NAALADL2: variants seen among roughly 807,000 people sequenced by gnomAD.
NAALADL2 encodes N-acetylated alpha-linked acidic dipeptidase like 2, also known as inactive N-acetylated-alpha-linked acidic dipeptidase-like protein 2.
NAALADL2 carries 76 observed loss-of-function variants against 87.2 expected under a neutral mutation model. The observed-to-expected ratio is 0.87, with a 90% confidence interval of 0.72 to 1.05. The LOEUF is 1.05. NAALADL2 is among the 50% of genes least tolerant of loss of function. The pLI, the probability that NAALADL2 is intolerant of heterozygous loss-of-function variation, is 0.00. For missense variants in NAALADL2, 1,089 were observed against 945.8 expected, an observed-to-expected ratio of 1.15 and a Z score of -1.99; for synonymous variants, 354 against 331.0, an observed-to-expected ratio of 1.07 and a Z score of -0.75.
intron 5 of NAALADL2, among the ~76,000 whole-genome samples, chr3:175,339,113 A>G (rs1386701103): frequency 6.6e-6 from 1 of 152,234 alleles, no homozygotes; most frequent in African/African-American, 2.4e-5. Flanking sequence ...ACGCAGTTCA[A>G]AGCCATTCTT....
chr3:175,656,721 A>G (rs923560263), intron 11 of NAALADL2, among the ~76,000 whole-genome samples: 9 of 148,456 alleles, frequency 6.1e-5, no homozygotes, highest in African/African-American at 2.3e-4. Context: ...GTGTGTGTGT[A>G]TGTGTGTGTG....
intron 11 of NAALADL2, among the ~76,000 whole-genome samples, chr3:175,690,359 G>A (rs1318476981): frequency 1.3e-5 from 2 of 151,892 alleles, no homozygotes; most frequent in African/African-American, 4.8e-5. Context: ...ATCGTAAGAG[G>A]GTCAGAAGAT....
chr3:175,275,119 T>G (rs1753387790), intron 4 of NAALADL2, among the ~76,000 whole-genome samples: 1 of 152,162 alleles, frequency 6.6e-6, no homozygotes, highest in Non-Finnish European at 1.5e-5. Context: ...GTTGGCACTG[T>G]AGAAGTTTTT....
rs199978559 is a variant in NAALADL2 at position 174,848,005 on chromosome 3, C to CTT, written c.-9+110260_-9+110261insTT. On this transcript the variant is annotated intron_variant, in intron 3 of 3. Transcript: ENST00000434257. ...TCTAAGTATTCTAACTCTTTTCTCTCTCTTTTTTTTTTTTTACTTCTTTGC... is the reference window on the plus strand; with the variant it reads ...TCTAAGTATTCTAACTCTTTTCTCTCTTTCTTTTTTTTTTTTTACTTCTTTGC... Among the ~76,000 whole-genome samples, 116 of 144,462 alleles carry CTT rather than the reference C, an allele frequency of 8.0e-4. 1 individual carries two copies. Among genetic ancestry groups the CTT allele is most frequent in the African/African-American group, 2.5e-3 (98 of 39,626 alleles). The allele number at this position is 144,462 out of a possible 152,430, so 94.8% of individuals were successfully genotyped here. A position where few individuals can be genotyped will look rare whatever the true frequency, so the allele number is the denominator to read the frequency against.
intron 2 of NAALADL2, among the ~76,000 whole-genome samples, chr3:174,735,782 G>A (rs895152071): frequency 2.6e-5 from 4 of 152,032 alleles, no homozygotes; most frequent in African/African-American, 9.7e-5. Flanking sequence ...GATCCTCAGG[G>A]TGATGCTTTT....
chr3:175,064,910 T>C (rs1346167385), intron 1 of NAALADL2, among the ~76,000 whole-genome samples: 5 of 152,168 alleles, frequency 3.3e-5, no homozygotes, highest in African/African-American at 1.2e-4. Flanking sequence ...AGAAGGAAGC[T>C]TTTTTGTTAC....
intron 4 of NAALADL2, among the ~76,000 whole-genome samples, chr3:175,296,419 C>G (rs1756380809): frequency 6.6e-6 from 1 of 152,150 alleles, no homozygotes; most frequent in South Asian, 2.1e-4. Context: ...ACTTGCCACG[C>G]TGGATCTCAA....
At chr3:175,546,284 C>T (rs1287907390) in intron 9 of NAALADL2, among the ~76,000 whole-genome samples, 2 of 151,954 alleles carry the variant, frequency 1.3e-5, no homozygotes, top group Non-Finnish European at 2.9e-5. Flanking sequence ...TATGTATGTC[C>T]TTGCATGTGA....
intron 2 of NAALADL2, among the ~76,000 whole-genome samples, chr3:175,204,430 G>T: frequency 6.6e-6 from 1 of 152,088 alleles, no homozygotes; most frequent in East Asian, 1.9e-4. Context: ...TCGGCATGCA[G>T]GGGCATATCT....
At chr3:175,655,006 C>T (rs759505500) in intron 11 of NAALADL2, among the ~76,000 whole-genome samples, 6 of 151,270 alleles carry the variant, frequency 4.0e-5, no homozygotes, top group African/African-American at 7.3e-5. Flanking sequence ...CGTGTGACTA[C>T]GATGAGTGTC....
chr3:175,404,099 C>T (rs1711855343), intron 5 of NAALADL2, among the ~76,000 whole-genome samples: 1 of 152,038 alleles, frequency 6.6e-6, no homozygotes, highest in African/African-American at 2.4e-5. Flanking sequence ...GTTTCTGAGC[C>T]CCAAGCTGAA....
At chr3:175,707,493 C>T (rs1178069478) in intron 11 of NAALADL2, among the ~76,000 whole-genome samples, 2 of 152,184 alleles carry the variant, frequency 1.3e-5, no homozygotes, top group East Asian at 1.9e-4. Flanking sequence ...TCATCATCAA[C>T]TTTGTCATCT....
upstream of NAALADL2, among the ~76,000 whole-genome samples, chr3:174,855,080 C>A (rs1352372885): frequency 6.6e-6 from 1 of 152,022 alleles, no homozygotes; most frequent in African/African-American, 2.4e-5. Context: ...CTCAGGTGAT[C>A]CGCCCGCCTT....
At chr3:175,301,794 G>T (rs1757118607) in intron 4 of NAALADL2, among the ~76,000 whole-genome samples, 1 of 152,118 alleles carries the variant, frequency 6.6e-6, no homozygotes, top group African/African-American at 2.4e-5. Flanking sequence ...TATTCATTGT[G>T]GATTACTCAA....
chr3:175,029,637 G>C (rs760750978), intron 1 of NAALADL2, among the ~76,000 whole-genome samples: 10 of 152,012 alleles, frequency 6.6e-5, no homozygotes, highest in Admixed American at 1.3e-4. Flanking sequence ...TATTAAATTT[G>C]TACTTTAATA....
chr3:174,952,710 G>A (rs1313388341), intron 1 of NAALADL2, among the ~76,000 whole-genome samples: 8 of 152,090 alleles, frequency 5.3e-5, no homozygotes, highest in African/African-American at 1.9e-4. Context: ...CTAAATTGGA[G>A]TCTATGGTGT....
chr3:174,482,491 C>T (rs1717615714), intron 1 of NAALADL2, among the ~76,000 whole-genome samples: 1 of 152,042 alleles, frequency 6.6e-6, no homozygotes. Flanking sequence ...CTTCATTTTA[C>T]TTTTAATTAT....
intron 3 of NAALADL2, among the ~76,000 whole-genome samples, chr3:174,811,250 C>T (rs923710976): frequency 6.6e-6 from 1 of 152,170 alleles, no homozygotes; most frequent in African/African-American, 2.4e-5. Flanking sequence ...ACTCTGTCCT[C>T]CAGACCCCAG....
intron 2 of NAALADL2, among the ~76,000 whole-genome samples, chr3:174,580,378 A>T (rs937234397): frequency 2.0e-5 from 3 of 152,122 alleles, no homozygotes; most frequent in Admixed American, 2.0e-4. Context: ...TATGTTAGAA[A>T]ATCCTCTCAT....
Sources: allele counts gnomAD v4.1 joint callset (sites outside exome capture counted in the v4.1 genomes callset), GRCh38; gene constraint gnomAD v4.1.1; transcripts MANE v1.5; gene names NCBI Gene and HGNC (gene_info 2026-07-23, HGNC 2026-07-21).